The following CCDC18 variants were observed in gnomAD, a reference collection of about 807,000 sequenced individuals.
The protein encoded by CCDC18 is coiled-coil domain containing 18.
A neutral mutation model predicts 196.0 loss-of-function variants in CCDC18; 157 were observed. The observed-to-expected ratio is 0.80, with a 90% CI of 0.70 to 0.91. The LOEUF is 0.91. Among genes scored for constraint, CCDC18 ranks in the 40% least tolerant of loss-of-function variants. The pLI is 0.00. For synonymous variants in CCDC18, 482 were observed against 529.2 expected (o/e 0.91, Z 1.22); for missense variants, 1,465 against 1,611.6 (o/e 0.91, Z 1.56).
intron 14 of CCDC18, among the ~76,000 whole-genome samples, chr1:93,220,606 T>C (rs1184794304): frequency 2.6e-5 from 4 of 152,102 alleles, no homozygotes; most frequent in Non-Finnish European, 4.4e-5. Context: ...ATATTCTTAG[T>C]TTCTACATTT....
At chr1:93,180,649 T>TCCGGCAAGCCCCGCGCC, upstream of CCDC18, 14 of 1,329,814 alleles carry the variant, frequency 1.1e-5, no homozygotes, top group Non-Finnish European at 1.4e-5. Flanking sequence ...GCCCCGCGCC[T>TCCGGCAAGCCCCGCGCC]TCGGCGGCGC....
At chr1:93,220,542 T>C (rs966147890) in intron 14 of CCDC18, among the ~76,000 whole-genome samples, 5 of 152,186 alleles carry the variant, frequency 3.3e-5, no homozygotes, top group African/African-American at 1.2e-4. Context: ...ATGAGGTATA[T>C]TGATATAATA....
At chr1:93,191,088 ATT>A (rs5776172) in intron 4 of CCDC18, 207,560 of 468,656 alleles carry the variant, frequency 0.44, 25,687 homozygotes, top group East Asian at 0.5. Context: ...CAGCAAGGAG[ATT>A]TTTTTTTTTT....
chr1:93,240,067 G>GC (rs1490063027), intron 21 of CCDC18, among the ~76,000 whole-genome samples, 171 bp downstream of exon 21: 1 of 152,096 alleles, frequency 6.6e-6, no homozygotes, highest in Non-Finnish European at 1.5e-5. Context: ...GTCTTTGTTG[G>GC]CCGCCAAAAC....
chr1:93,269,453 T>C (rs1269892412), intron 27 of CCDC18, among the ~76,000 whole-genome samples: 1 of 147,516 alleles, frequency 6.8e-6, no homozygotes, highest in Non-Finnish European at 1.5e-5. Context: ...CAATTTTAGA[T>C]GAAGTAGTAA....
At chr1:93,223,479 T>C (rs1485924478) in intron 16 of CCDC18, among the ~76,000 whole-genome samples, 1 of 152,184 alleles carries the variant, frequency 6.6e-6, no homozygotes, top group East Asian at 1.9e-4. Flanking sequence ...TTTGTTCATG[T>C]CTCTCAACAT....
chr1:93,264,579 T>TAAAC (rs1459458275), intron 26 of CCDC18, 122 bp from the exon 27 acceptor site: 2 of 595,132 alleles, frequency 3.4e-6, no homozygotes, highest in African/African-American at 3.7e-5. Context: ...TTTGTAACTA[T>TAAAC]AAACAGAATT....
rs1354495871 is a variant in CCDC18 at position 93,193,652 on chromosome 1, G to A, written c.606G>A (p.Met202Ile). Residue 202 changes from methionine to isoleucine, a missense_variant, in exon 6 of 29, where the codon ATG (methionine) becomes ATA (isoleucine). Transcript: ENST00000690025. ...AENKLEQSQK[M>I]VIEKEQSLQE... is the part of the protein sequence containing the mutation. ...ATAAGCTGGAACAGAGCCAGAAAAT[G>A]GTAATTGAAAAGGAACAGAGTTTGC... The A allele has an allele frequency of 4.4e-6, 7 of 1,591,476 alleles. No individual in the cohort carries two copies. Among genetic ancestry groups the A allele is most frequent in the Non-Finnish European group, 6.0e-6 (7 of 1,170,646 alleles).
chr1:93,258,706 TAAAC>T (rs772729901), intron 25 of CCDC18, 38 bp from the exon 26 acceptor site: 5 of 1,470,180 alleles, frequency 3.4e-6, no homozygotes, highest in South Asian at 1.5e-5. Context: ...AATAACCAAA[TAAAC>T]AAGTTTTATA....
At chr1:93,231,295 A>G (rs948481421) in intron 17 of CCDC18, among the ~76,000 whole-genome samples, 6 of 152,192 alleles carry the variant, frequency 3.9e-5, no homozygotes, top group African/African-American at 1.4e-4. Context: ...TATATAAGCA[A>G]CAACAAGAAA....
At chr1:93,202,756 C>G (rs890888211) in intron 7 of CCDC18, among the ~76,000 whole-genome samples, 1 of 152,102 alleles carries the variant, frequency 6.6e-6, no homozygotes, top group African/African-American at 2.4e-5. Context: ...CTGGGAGATT[C>G]GGTGATACAT....
chr1:93,269,375 T>G (rs1664980646), intron 27 of CCDC18, among the ~76,000 whole-genome samples: 2 of 151,116 alleles, frequency 1.3e-5, no homozygotes, highest in South Asian at 4.2e-4. Flanking sequence ...TGTATACATA[T>G]GTAACAAACC....
At chr1:93,249,991 G>A (rs1177414243) in intron 23 of CCDC18, among the ~76,000 whole-genome samples, 8 of 151,634 alleles carry the variant, frequency 5.3e-5, no homozygotes, top group African/African-American at 1.9e-4. Flanking sequence ...GTTCATTCAG[G>A]TGCATTTGTT....
At chr1:93,252,907 T>C (rs1662457034) in intron 23 of CCDC18, among the ~76,000 whole-genome samples, 1 of 152,236 alleles carries the variant, frequency 6.6e-6, no homozygotes, top group Non-Finnish European at 1.5e-5. Context: ...CATGGCTTTC[T>C]GGCCCACATG....
chr1:93,195,934 A>G (rs1652649072), intron 6 of CCDC18, among the ~76,000 whole-genome samples: 2 of 152,240 alleles, frequency 1.3e-5, no homozygotes, highest in South Asian at 4.1e-4. Context: ...GAGAAGATTA[A>G]TCATAATGGA....
intron 7 of CCDC18, among the ~76,000 whole-genome samples, chr1:93,204,337 A>G (rs558191488): frequency 1.3e-5 from 2 of 152,330 alleles, no homozygotes; most frequent in Admixed American, 6.5e-5. Flanking sequence ...TTTGAATTAA[A>G]TGTCTTTGGT....
chr1:93,185,082 G>A (rs1357982622), intron 3 of CCDC18, among the ~76,000 whole-genome samples: 2 of 151,544 alleles, frequency 1.3e-5, no homozygotes, highest in East Asian at 1.9e-4. Context: ...AGACATGAAC[G>A]GAAAAAGAAA....
At chr1:93,260,821 A>T (rs1570617285) in intron 26 of CCDC18, among the ~76,000 whole-genome samples, 1 of 151,930 alleles carries the variant, frequency 6.6e-6, no homozygotes, top group Non-Finnish European at 1.5e-5. Context: ...CCCTAGGTCT[A>T]TGTGTTCTCA....
chr1:93,183,335 A>T, intron 1 of CCDC18, 25 bp from the exon 2 acceptor site: 1 of 1,490,092 alleles, frequency 6.7e-7, no homozygotes, highest in South Asian at 1.3e-5. Context: ...CAGACAAGGT[A>T]CAAGAAATTC....
Sources: gnomAD v4.1 joint callset for allele counts (sites outside exome capture counted in the v4.1 genomes callset) on GRCh38, gnomAD v4.1.1 for gene constraint, MANE v1.5 for transcripts, NCBI Gene and HGNC (gene_info 2026-07-23, HGNC 2026-07-21) for gene names.